The following KDM6A variants were observed in gnomAD, a reference collection of about 807,000 sequenced individuals.
The protein encoded by KDM6A is lysine-specific demethylase 6A.
Under a neutral mutation model 117.6 loss-of-function variants are expected in KDM6A, and 11 were observed. The observed-to-expected ratio is 0.09, with a 90% CI of 0.06 to 0.15. The LOEUF (loss-of-function observed/expected upper bound fraction) is 0.15. KDM6A is among the 10% of genes least tolerant of loss of function. KDM6A has a pLI of 1.00. For missense variants in KDM6A, 799 were observed against 1,077.3 expected (o/e 0.74, Z 3.62); for synonymous variants, 384 against 396.1 (o/e 0.97, Z 0.36).
chrX:44,873,515 G>T lies in KDM6A; in HGVS notation c.-37G>T. On this transcript the variant is annotated 5_prime_UTR_variant, in exon 1 of 30. Transcript: ENST00000611820. ...CACTGCGGGCCCCGGTCCGAGGGGG[G>T]GTGTCGGCGTTGGAGTTGTGAATTC... The T allele has an allele frequency of 8.3e-7, 1 of 1,208,491 alleles. No individual in the cohort carries two copies. Among genetic ancestry groups the T allele is most frequent in the Non-Finnish European group, 1.1e-6 (1 of 894,418 alleles).
In KDM6A at chrX:45,034,960, T is replaced by A; in HGVS notation, c.594T>A (p.Asn198Lys). 1 of 1,205,667 alleles carries A rather than the reference T, an allele frequency of 8.3e-7. No homozygotes were observed. The highest frequency in any genetic ancestry group is 1.1e-6 in the Non-Finnish European group (1 of 889,698). ...TTCAGTTAGCTTTGGTTGACTGTAA[T>A]CCCTGCACTTTGTCCAATGCTGAAA... is the stretch of plus-strand genomic sequence containing the variant. Reference protein sequence around the residue: ...KHFQLALVDCNPCTLSNAEIQ... With the variant: ...KHFQLALVDCKPCTLSNAEIQ... Residue 198 changes from asparagine (N) to lysine (K), a missense_variant, in exon 7 of 30, where the codon AAT becomes AAA. Physicochemically the swap from Asn to Lys is moderately conservative, Grantham distance 94 (BLOSUM62 0). Around this residue, in one of 8 missense-constraint regions of KDM6A, gnomAD observed 63 missense variants for 68.2 expected, o/e 0.92. Transcript: ENST00000611820.
chrX:45,000,265 C>T (rs1272427057), intron 4 of KDM6A, among the ~76,000 whole-genome samples: 1 of 112,015 alleles, frequency 8.9e-6, no homozygotes, highest in East Asian at 2.8e-4. Flanking sequence ...TAATTGTCAC[C>T]TACCAAAATA....
At chrX:44,923,122 T>C (rs2036071047) in intron 2 of KDM6A, among the ~76,000 whole-genome samples, 2 of 112,053 alleles carry the variant, frequency 1.8e-5, no homozygotes, top group South Asian at 7.3e-4. Flanking sequence ...TTTTTGTTCC[T>C]CTGTAAGACG....
At chrX:44,918,898 G>A (rs1243609265) in intron 2 of KDM6A, among the ~76,000 whole-genome samples, 2 of 111,789 alleles carry the variant, frequency 1.8e-5, no homozygotes, top group African/African-American at 3.2e-5. Flanking sequence ...ATGTTTACAA[G>A]TTTACAGTTT....
At chrX:45,069,037 A>T (rs2044698898) in intron 17 of KDM6A, among the ~76,000 whole-genome samples, 1 of 111,032 alleles carries the variant, frequency 9.0e-6, no homozygotes, top group Non-Finnish European at 1.9e-5. Context: ...AGATGGGGAA[A>T]CTTTAGGTAT....
In KDM6A at chrX:44,873,393, C is replaced by T. The variant is rs948351200; in HGVS notation, c.-159C>T. On this transcript the variant is annotated 5_prime_UTR_variant, in exon 1 of 30. Transcript: ENST00000611820. Reference sequence around the variant, plus strand: ...CTGCCGCCGCCGCCGCCGCCTTCACCGCCGCCGCGTTGGGATTTTTCGTCG... The same window carrying T: ...CTGCCGCCGCCGCCGCCGCCTTCACTGCCGCCGCGTTGGGATTTTTCGTCG... 3.8e-6 allele frequency: 3 copies of T among 794,612 alleles called. No individual in the cohort carries two copies. Among genetic ancestry groups the T allele is most frequent in the Non-Finnish European group, 5.3e-6 (3 of 566,152 alleles). 65.5% of individuals were successfully genotyped at this position (794,612 alleles called of 1,213,427 possible). A position where few individuals can be genotyped will look rare whatever the true frequency, so the allele number is the denominator to read the frequency against.
intron 2 of KDM6A, among the ~76,000 whole-genome samples, chrX:44,912,969 C>T (rs1466117899): frequency 8.9e-6 from 1 of 112,073 alleles, no homozygotes; most frequent in African/African-American, 3.2e-5. Context: ...CCTTTTAATG[C>T]TCTAGGCCTT....
chrX:44,973,606 A>G (rs904993869), intron 3 of KDM6A, among the ~76,000 whole-genome samples: 5 of 110,994 alleles, frequency 4.5e-5, no homozygotes, highest in African/African-American at 1.3e-4. Context: ...CTGTTGTAGG[A>G]CCCTTCAAAC....
At chrX:45,110,282 G>A (rs750133655) in intron 29 of KDM6A, 33 bp downstream of exon 29, 2 of 1,145,383 alleles carry the variant, frequency 1.7e-6, no homozygotes, top group South Asian at 3.6e-5. Context: ...TACATAGTTA[G>A]CTGGGTTATG....
intron 2 of KDM6A, among the ~76,000 whole-genome samples, chrX:44,896,199 G>T (rs1251381267): frequency 9.2e-6 from 1 of 108,276 alleles, no homozygotes; most frequent in African/African-American, 3.4e-5. Flanking sequence ...TCAGCCTCCC[G>T]AGTAGCTGGG....
At chrX:44,957,401 C>T (rs766718550) in intron 2 of KDM6A, among the ~76,000 whole-genome samples, 2 of 112,183 alleles carry the variant, frequency 1.8e-5, no homozygotes, top group East Asian at 5.6e-4. Flanking sequence ...AAGATTAATA[C>T]TGCACATGAA....
intron 27 of KDM6A, among the ~76,000 whole-genome samples, chrX:45,104,129 ATTC>A (rs1200534186): frequency 9.1e-6 from 1 of 110,139 alleles, no homozygotes; most frequent in Non-Finnish European, 1.9e-5. Context: ...GATTCAAGCA[ATTC>A]TTCTGCCTCA....
At chrX:45,040,297 C>T (rs1432159069) in intron 8 of KDM6A, among the ~76,000 whole-genome samples, 3 of 96,576 alleles carry the variant, frequency 3.1e-5, no homozygotes, top group Non-Finnish European at 4.2e-5. Context: ...CCCTCCCGGA[C>T]GGGGCGGCTG....
At chrX:44,935,995 C>T (rs2036944062) in intron 2 of KDM6A, among the ~76,000 whole-genome samples, 1 of 112,155 alleles carries the variant, frequency 8.9e-6, no homozygotes. Context: ...TTAGTTTCCT[C>T]CTGTGGCTTC....
At chrX:45,092,536 G>T (rs1237964581) in intron 27 of KDM6A, among the ~76,000 whole-genome samples, 1 of 111,287 alleles carries the variant, frequency 9.0e-6, no homozygotes, top group Non-Finnish European at 1.9e-5. Context: ...GATTTCTGCA[G>T]AATAAATCCC....
intron 17 of KDM6A, among the ~76,000 whole-genome samples, chrX:45,066,526 A>G (rs2044543031): frequency 8.9e-6 from 1 of 111,789 alleles, no homozygotes; most frequent in South Asian, 3.7e-4. Context: ...GGGTGAGAGG[A>G]TGGGATTTTG....
intron 8 of KDM6A, among the ~76,000 whole-genome samples, chrX:45,046,975 G>A (rs2043565699): frequency 9.3e-6 from 1 of 106,992 alleles, no homozygotes; most frequent in African/African-American, 3.5e-5. Context: ...TTTATTGGTG[G>A]TGATGATGGT....
At position 44,954,624 on chromosome X, in the gene KDM6A, G is replaced by C. The variant is rs1324656215; in HGVS notation, c.226-6660G>C. Among the ~76,000 whole-genome samples, 10 of 111,499 alleles carry C rather than the reference G, an allele frequency of 9.0e-5. No individual in the cohort carries two copies. In the Admixed American group the frequency reaches 9.6e-4, roughly 11 times the overall value. ...TAGGAAGTTAGTGGGATGAGAGTTT[G>C]ATGTGGGGTTGGAGTAGAGTGGGCT... On this transcript the variant is annotated intron_variant, in intron 2 of 29. Transcript: ENST00000611820.
chrX:44,976,413 G>T (rs753656035), intron 4 of KDM6A, among the ~76,000 whole-genome samples: 3 of 110,384 alleles, frequency 2.7e-5, no homozygotes, highest in African/African-American at 9.9e-5. Flanking sequence ...TGGGGCATTG[G>T]TTTCAGGACC....
Sources: gnomAD v4.1 joint callset for allele counts (sites outside exome capture counted in the v4.1 genomes callset) on GRCh38, gnomAD v4.1.1 for gene constraint, gnomAD v4.1.1 regional missense constraint, MANE v1.5 for transcripts, NCBI Gene and HGNC (gene_info 2026-07-23, HGNC 2026-07-21) for gene names.